Variants in CAST observed in about 807,000 individuals in gnomAD.
CAST encodes the protein calpastatin.
CAST carries 76 observed loss-of-function variants against 119.6 expected under a neutral mutation model. That is an observed-to-expected ratio of 0.64 (90% CI 0.53 to 0.77). CAST has a LOEUF of 0.77. Among genes scored for constraint, CAST ranks in the 30% least tolerant of loss-of-function variants. The pLI is 0.00. For synonymous variants in CAST, 319 were observed against 331.6 expected, an observed-to-expected ratio of 0.96 and a Z score of 0.41; for missense variants, 953 against 946.5, an observed-to-expected ratio of 1.01 and a Z score of -0.09.
the CAST span, among the ~76,000 whole-genome samples, chr5:96,105,185 G>A: frequency 6.6e-6 from 1 of 150,594 alleles, no homozygotes; most frequent in East Asian, 2.0e-4. Context: ...CTGCAAACAG[G>A]GACAATTTGA....
chr5:96,429,292 A>T, the CAST span: 1 of 1,590,424 alleles, frequency 6.3e-7, no homozygotes, highest in Non-Finnish European at 8.6e-7. Flanking sequence ...ATGTTTGAAT[A>T]AGTAGTGATT....
the CAST span, among the ~76,000 whole-genome samples, chr5:96,483,849 A>G: frequency 6.6e-6 from 1 of 152,148 alleles, no homozygotes; most frequent in Non-Finnish European, 1.5e-5. Context: ...AAGTTAAATG[A>G]TTTTCCAAAA....
the CAST span, among the ~76,000 whole-genome samples, chr5:96,044,437 C>T: frequency 5.9e-5 from 9 of 152,212 alleles, no homozygotes; most frequent in Non-Finnish European, 8.8e-5. Flanking sequence ...GATACCAAAT[C>T]TGCCAGTGTC....
chr5:96,588,922 G>A (rs1196025641), intron 1 of CAST, among the ~76,000 whole-genome samples: 2 of 152,164 alleles, frequency 1.3e-5, no homozygotes, highest in Non-Finnish European at 2.9e-5. Context: ...CTGGAATTCT[G>A]CAGTTAACAT....
chr5:96,065,876 C>T, the CAST span, among the ~76,000 whole-genome samples: 1 of 152,104 alleles, frequency 6.6e-6, no homozygotes, highest in South Asian at 2.1e-4. Context: ...TGAAAGAGCA[C>T]ATATTGTCCC....
chr5:96,591,577 G>T (rs557991742), intron 1 of CAST, among the ~76,000 whole-genome samples: 1 of 152,300 alleles, frequency 6.6e-6, no homozygotes, highest in Admixed American at 6.5e-5. Context: ...AAGGCGAATA[G>T]GTCTGGCCTC....
the CAST span, among the ~76,000 whole-genome samples, chr5:96,117,446 G>A: frequency 6.6e-6 from 1 of 152,126 alleles, no homozygotes; most frequent in Non-Finnish European, 1.5e-5. Context: ...GAGACTCAGG[G>A]AAACCTTTTA....
intron 1 of CAST, among the ~76,000 whole-genome samples, chr5:96,669,750 C>G (rs1218870040): frequency 6.6e-6 from 1 of 152,184 alleles, no homozygotes; most frequent in Non-Finnish European, 1.5e-5. Context: ...CTGCCTGACC[C>G]TGGGAACCTC....
the CAST span, among the ~76,000 whole-genome samples, chr5:96,146,821 A>G: frequency 1.3e-5 from 2 of 152,224 alleles, no homozygotes; most frequent in African/African-American, 4.8e-5. Context: ...CTGTGTCAGT[A>G]TACCATCTGG....
the CAST span, among the ~76,000 whole-genome samples, chr5:96,170,091 C>T: frequency 2.0e-5 from 3 of 152,128 alleles, no homozygotes; most frequent in Admixed American, 1.3e-4. Context: ...TGAGAGTTAC[C>T]CAAAGCTTGG....
the CAST span, among the ~76,000 whole-genome samples, chr5:96,090,188 G>A: frequency 2.4e-4 from 36 of 152,252 alleles, no homozygotes; most frequent in Middle Eastern, 3.4e-3. Flanking sequence ...TTGTTATGTT[G>A]GTGGGATACG....
intron 1 of CAST, among the ~76,000 whole-genome samples, chr5:96,533,606 C>T (rs1383534717): frequency 2.6e-5 from 4 of 152,146 alleles, no homozygotes; most frequent in Admixed American, 6.6e-5. Flanking sequence ...TAGCAAACCA[C>T]GGCATGGTGG....
At chr5:96,367,397 C>G in the CAST span, among the ~76,000 whole-genome samples, 1 of 151,788 alleles carries the variant, frequency 6.6e-6, no homozygotes, top group Admixed American at 6.6e-5. Flanking sequence ...GCTGCCTTTT[C>G]TTTGGCTATG....
At chr5:95,974,793 C>T in the CAST span, among the ~76,000 whole-genome samples, 1 of 151,978 alleles carries the variant, frequency 6.6e-6, no homozygotes, top group Non-Finnish European at 1.5e-5. Flanking sequence ...GGTTTACAAC[C>T]ATAAGGACAA....
At chr5:96,150,343 C>G in the CAST span, among the ~76,000 whole-genome samples, 1 of 152,138 alleles carries the variant, frequency 6.6e-6, no homozygotes, top group Non-Finnish European at 1.5e-5. Context: ...GAAGGCTTAG[C>G]GTTCTTGGAG....
At chr5:96,649,377 C>A (rs1475560494) in intron 1 of CAST, among the ~76,000 whole-genome samples, 1 of 152,126 alleles carries the variant, frequency 6.6e-6, no homozygotes, top group Non-Finnish European at 1.5e-5. Context: ...GGTTAAAGTT[C>A]TTCTCTCATG....
chr5:96,370,872 A>G, the CAST span, among the ~76,000 whole-genome samples: 1 of 152,100 alleles, frequency 6.6e-6, no homozygotes, highest in Non-Finnish European at 1.5e-5. Context: ...TGTCTTAGGG[A>G]TTCACCTGTT....
At chr5:96,323,206 G>C in the CAST span, among the ~76,000 whole-genome samples, 1 of 152,200 alleles carries the variant, frequency 6.6e-6, no homozygotes. Context: ...GCAAGCAGCT[G>C]TCTGTTCTGT....
chr5:96,498,982 TC>T, the CAST span, among the ~76,000 whole-genome samples: 1 of 147,382 alleles, frequency 6.8e-6, no homozygotes, highest in Non-Finnish European at 1.5e-5. Context: ...CTTTCCCTTC[TC>T]CTTTACAGAT....
Sources: gnomAD v4.1 joint callset for allele counts (sites outside exome capture counted in the v4.1 genomes callset) on GRCh38, gnomAD v4.1.1 for gene constraint, MANE v1.5 for transcripts, NCBI Gene and HGNC (gene_info 2026-07-23, HGNC 2026-07-21) for gene names.